FCHO2: variants seen among roughly 807,000 people sequenced by gnomAD.
FCHO2 encodes FCH and mu domain containing endocytic adaptor 2, also known as F-BAR domain only protein 2.
A neutral mutation model predicts 114.1 loss-of-function variants in FCHO2; 43 were observed. That is an observed-to-expected ratio of 0.38 (90% CI 0.30 to 0.49). The LOEUF is 0.49. Among genes scored for constraint, FCHO2 ranks in the 20% least tolerant of loss-of-function variants. FCHO2 has a pLI of 0.97. For synonymous variants in FCHO2, 293 were observed against 315.2 expected (o/e 0.93, Z 0.75); for missense variants, 807 against 950.4 (o/e 0.85, Z 1.98).
intron 2 of FCHO2, among the ~76,000 whole-genome samples, chr5:72,982,849 A>G (rs1333708792): frequency 7.5e-6 from 1 of 133,912 alleles, no homozygotes; most frequent in Admixed American, 7.9e-5. Context: ...TTTTTTTTGC[A>G]TATAGGTGTC....
At chr5:72,978,378 T>A (rs1752998239) in intron 2 of FCHO2, among the ~76,000 whole-genome samples, 1 of 152,218 alleles carries the variant, frequency 6.6e-6, no homozygotes, top group African/African-American at 2.4e-5. Flanking sequence ...CAATTGTGAA[T>A]GGGAGTTCAC....
At chr5:73,047,149 TTCTC>T (rs148130452) in intron 11 of FCHO2, among the ~76,000 whole-genome samples, 8 of 152,260 alleles carry the variant, frequency 5.3e-5, no homozygotes, top group South Asian at 2.1e-4. Context: ...CACATTTGCA[TTCTC>T]TCTCTGTTTG....
chr5:73,074,258 A>G lies in FCHO2; in HGVS notation c.1580-484A>G, dbSNP rs117530259. Among the ~76,000 whole-genome samples, 51 of 152,124 alleles carry G rather than the reference A, an allele frequency of 3.4e-4. No individual in the cohort carries two copies. The East Asian group carries it at 5.6e-3, about 17-fold the overall frequency. ...TGAGGCAAAGTAATGTGGGAATACAATACAAGCATCAGACAAAGAGGAGGT... is the reference window on the plus strand; with the variant it reads ...TGAGGCAAAGTAATGTGGGAATACAGTACAAGCATCAGACAAAGAGGAGGT... On this transcript the variant is annotated intron_variant, in intron 19 of 25. Transcript: ENST00000430046.
intron 2 of FCHO2, among the ~76,000 whole-genome samples, chr5:72,981,969 C>T (rs1378906896): frequency 1.3e-5 from 2 of 152,200 alleles, no homozygotes; most frequent in Admixed American, 1.3e-4. Context: ...AACTCATTCT[C>T]CATCCAGTTT....
rs558512547 is a variant in FCHO2, at chr5:73,053,068, T to G, written c.1173+561T>G. ...AAATTTTTTCCTCATTGATGTCAAT[T>G]TTAAACTTAAAAATGTTACACTATG... On this transcript the variant is annotated intron_variant, in intron 13 of 25. Transcript: ENST00000430046. Among the ~76,000 whole-genome samples the G allele has an allele frequency of 3.9e-5, 6 of 152,294 alleles. No homozygotes were observed. The East Asian group carries it at 1.2e-3, about 29-fold the overall frequency.
chr5:73,059,177 A>C (rs573094140), intron 17 of FCHO2, among the ~76,000 whole-genome samples: 1 of 152,184 alleles, frequency 6.6e-6, no homozygotes, highest in Non-Finnish European at 1.5e-5. Context: ...AATAAAATCA[A>C]TTTTAGTTGA....
In FCHO2 at chr5:72,989,609, T is replaced by C. The variant is rs1216049439; in HGVS notation, c.200+108T>C. 5.7e-6 allele frequency: 4 copies of C among 702,716 alleles called. No homozygotes were observed. The East Asian group carries it at 1.1e-4, about 20-fold the overall frequency. 43.5% of individuals were successfully genotyped at this position (702,716 alleles called of 1,614,324 possible). The stretch of plus-strand genomic sequence containing the variant: ...TTCAAAAGCATAGTAAAATATATGC[T>C]TATTTAAAAGTATCTGTAAATATTA... On this transcript the variant is annotated intron_variant, in intron 3 of 25. Transcript: ENST00000430046.
At position 73,002,582 on chromosome 5, in the gene FCHO2, T is replaced by G. The variant is rs532750779; in HGVS notation, c.496-3863T>G. On this transcript the variant is annotated intron_variant, in intron 5 of 25. Coordinates refer to ENST00000430046, the MANE Select transcript of FCHO2 (RefSeq NM_138782.3). ...CTTCATTAATATAATAAAATTAGTTTGAGTTTATTTTAGCTATAGGCTTTA... is the reference window on the plus strand; with the variant it reads ...CTTCATTAATATAATAAAATTAGTTGGAGTTTATTTTAGCTATAGGCTTTA... Among the ~76,000 whole-genome samples the G allele has an allele frequency of 3.3e-5, 5 of 152,328 alleles. 1 individual carries two copies. In the South Asian group the frequency reaches 1.0e-3, roughly 32 times the overall value.
chr5:72,984,736 G>A (rs896210513), intron 2 of FCHO2, among the ~76,000 whole-genome samples: 1 of 152,170 alleles, frequency 6.6e-6, no homozygotes, highest in African/African-American at 2.4e-5. Context: ...GGTCTCAAAT[G>A]ATCCTCCCAC....
At chr5:73,058,301 G>A in intron 16 of FCHO2, 132 bp from the exon 17 acceptor site, 2 of 540,300 alleles carry the variant, frequency 3.7e-6, no homozygotes, top group Non-Finnish European at 6.2e-6. Context: ...GTGAGCCATG[G>A]TGCCTGGCCC....
At chr5:73,066,539 T>A (rs1021771597) in intron 18 of FCHO2, among the ~76,000 whole-genome samples, 3 of 151,788 alleles carry the variant, frequency 2.0e-5, no homozygotes, top group African/African-American at 7.3e-5. Context: ...GTATGTTGAT[T>A]TAAATTTTCT....
chr5:73,004,800 A>G (rs1430114301), intron 5 of FCHO2, among the ~76,000 whole-genome samples: 3 of 152,168 alleles, frequency 2.0e-5, no homozygotes, highest in Admixed American at 6.6e-5. Context: ...CCGTATTCAC[A>G]TATGATGTTA....
rs1757023089 is a variant in FCHO2 at position 73,045,744 on chromosome 5, T to A, written c.939+4429T>A. 2.0e-5 allele frequency among the ~76,000 whole-genome samples: 3 copies of A among 152,226 alleles called. No homozygotes were observed. The South Asian group carries it at 6.2e-4, about 31-fold the overall frequency. ...CCTAACTATATTGTTATATTTGAAG[T>A]GAGTTTCTTATAGACAGCAGATAGT... On this transcript the variant is annotated intron_variant, in intron 11 of 25. Coordinates refer to ENST00000430046, the MANE Select transcript of FCHO2 (RefSeq NM_138782.3).
At chr5:73,071,824 C>G (rs958018152) in intron 19 of FCHO2, among the ~76,000 whole-genome samples, 4 of 152,002 alleles carry the variant, frequency 2.6e-5, no homozygotes, top group African/African-American at 9.7e-5. Context: ...CAATACTTTT[C>G]TCTGCTTGCC....
At chr5:72,996,951 G>A (rs192243021) in intron 5 of FCHO2, 8 of 1,606,058 alleles carry the variant, frequency 5.0e-6, no homozygotes, top group East Asian at 2.2e-5. Flanking sequence ...CTGGGGCTGC[G>A]CACGTTCGTG....
chr5:73,019,975 C>G (rs1010722676), intron 8 of FCHO2, among the ~76,000 whole-genome samples: 1 of 152,206 alleles, frequency 6.6e-6, no homozygotes, highest in Admixed American at 6.5e-5. Flanking sequence ...GGCCACCTTT[C>G]AAGATGAGTA....
At chr5:73,017,179 A>G (rs1194205517) in intron 7 of FCHO2, 33 bp from the exon 8 acceptor site, 1 of 1,282,264 alleles carries the variant, frequency 7.8e-7, no homozygotes, top group Non-Finnish European at 1.1e-6. Context: ...GAATGTGGAA[A>G]AAGAAAAAGT....
chr5:72,976,846 G>A (rs1052580303), intron 2 of FCHO2, among the ~76,000 whole-genome samples: 4 of 130,252 alleles, frequency 3.1e-5, no homozygotes, highest in African/African-American at 1.2e-4. Context: ...TGTTCTCATT[G>A]TTTAACTCCC....
intron 11 of FCHO2, among the ~76,000 whole-genome samples, chr5:73,044,243 C>G (rs1240889816): frequency 6.6e-6 from 1 of 152,102 alleles, no homozygotes; most frequent in Admixed American, 6.5e-5. Context: ...TCAGATAGTT[C>G]TTGATAGCGA....
Sources: allele counts gnomAD v4.1 joint callset (sites outside exome capture counted in the v4.1 genomes callset), GRCh38; gene constraint gnomAD v4.1.1; transcripts MANE v1.5; gene names NCBI Gene and HGNC (gene_info 2026-07-23, HGNC 2026-07-21).